The following KAZN variants were observed in gnomAD, a reference collection of about 807,000 sequenced individuals.
KAZN encodes kazrin.
Under a neutral mutation model 87.4 loss-of-function variants are expected in KAZN, and 40 were observed. The ratio of observed to expected loss-of-function variants is 0.46; its 90% CI spans 0.36 to 0.60. The LOEUF is 0.60. Among genes scored for constraint, KAZN ranks in the 20% least tolerant of loss-of-function variants. The pLI, the probability that KAZN is intolerant of heterozygous loss-of-function variation, is 0.00. For synonymous variants in KAZN, 466 were observed against 458.3 expected, an observed-to-expected ratio of 1.02 and a Z score of -0.22; for missense variants, 898 against 1,073.9, an observed-to-expected ratio of 0.84 and a Z score of 2.29.
intron 2 of KAZN, among the ~76,000 whole-genome samples, chr1:14,365,497 A>T (rs1474824259): frequency 1.3e-5 from 2 of 152,062 alleles, no homozygotes; most frequent in East Asian, 3.9e-4. Context: ...ATACACTGAG[A>T]CCCTGGGGGT....
chr1:14,029,658 GT>G (rs1401701706), intron 1 of KAZN, among the ~76,000 whole-genome samples: 9 of 151,898 alleles, frequency 5.9e-5, no homozygotes, highest in South Asian at 2.1e-4. Flanking sequence ...TGTATAAGGT[GT>G]AAGGAAGGGA....
At chr1:14,295,921 T>C (rs1236186894) in intron 2 of KAZN, among the ~76,000 whole-genome samples, 1 of 152,184 alleles carries the variant, frequency 6.6e-6, no homozygotes, top group African/African-American at 2.4e-5. Context: ...AGGAACTACA[T>C]TGGCATCACC....
intron 2 of KAZN, among the ~76,000 whole-genome samples, chr1:14,321,164 T>C (rs574757494): frequency 1.3e-5 from 2 of 152,278 alleles, no homozygotes; most frequent in African/African-American, 4.8e-5. Context: ...CTCTTTGAAG[T>C]GTATATCGTG....
At chr1:14,212,915 T>C (rs1195596352) in intron 2 of KAZN, among the ~76,000 whole-genome samples, 2 of 152,248 alleles carry the variant, frequency 1.3e-5, no homozygotes, top group East Asian at 1.9e-4. Context: ...TTAAAGAGGA[T>C]ACCAATGATT....
At chr1:14,031,946 G>A (rs540002125) in intron 1 of KAZN, among the ~76,000 whole-genome samples, 2 of 152,262 alleles carry the variant, frequency 1.3e-5, no homozygotes, top group Non-Finnish European at 2.9e-5. Context: ...GAATTGCTGG[G>A]ACAAACTGTT....
At chr1:14,167,945 G>T (rs1645868080) in intron 1 of KAZN, among the ~76,000 whole-genome samples, 1 of 152,124 alleles carries the variant, frequency 6.6e-6, no homozygotes, top group Admixed American at 6.5e-5. Flanking sequence ...TGGCCTCTCA[G>T]CTTTTCTGGA....
chr1:14,038,900 T>G (rs1237014726), intron 1 of KAZN, among the ~76,000 whole-genome samples: 1 of 152,188 alleles, frequency 6.6e-6, no homozygotes, highest in Admixed American at 6.5e-5. Context: ...GCGCAGTGGC[T>G]CATGCCTGTA....
intron 13 of KAZN, among the ~76,000 whole-genome samples, chr1:15,107,263 T>C (rs952817591): frequency 6.6e-6 from 1 of 152,162 alleles, no homozygotes; most frequent in Non-Finnish European, 1.5e-5. Context: ...GAAGACCTCA[T>C]AGGTGGATGG....
intron 2 of KAZN, among the ~76,000 whole-genome samples, chr1:15,024,950 C>T (rs1671032419): frequency 6.6e-6 from 1 of 152,146 alleles, no homozygotes; most frequent in South Asian, 2.1e-4. Flanking sequence ...TGGCCTGTCC[C>T]TCCCAGGGAG....
intron 2 of KAZN, among the ~76,000 whole-genome samples, chr1:14,344,917 CT>C (rs35120179): frequency 0.086 from 12,223 of 142,230 alleles, 531 homozygotes; most frequent in East Asian, 0.17. Flanking sequence ...ATCCCCTCTT[CT>C]TTTTTTTTTT....
At chr1:15,112,599 TC>T in intron 14 of KAZN, 58 bp downstream of exon 14, 129 of 1,245,730 alleles carry the variant, frequency 1.0e-4, no homozygotes, top group Middle Eastern at 2.0e-4. Flanking sequence ...GGTCTTTTTT[TC>T]TCCTCCCGGG....
chr1:14,174,044 G>A (rs534496901), intron 1 of KAZN, among the ~76,000 whole-genome samples: 28 of 152,292 alleles, frequency 1.8e-4, no homozygotes, highest in Middle Eastern at 6.8e-3. Context: ...ATTCCTCTTC[G>A]ATATCATTAC....
rs866506164 is a variant in KAZN, at chr1:14,465,438, G to A, written c.250-133545G>A. ...AAAAAGCTTCACCCACAAGTCTCTC[G>A]CTTGACAGGGATGGCTGGAAGTCTG... On this transcript the variant is annotated intron_variant, in intron 2 of 16. Coordinates refer to the KAZN transcript ENST00000636203. 2.1e-4 allele frequency among the ~76,000 whole-genome samples: 31 copies of A among 145,182 alleles called. No homozygotes were observed. In the Middle Eastern group the frequency reaches 0.011, roughly 51 times the overall value.
chr1:14,583,493 T>A (rs1043469382), intron 2 of KAZN, among the ~76,000 whole-genome samples: 1 of 152,188 alleles, frequency 6.6e-6, no homozygotes, highest in Non-Finnish European at 1.5e-5. Flanking sequence ...GGTAGTGTGC[T>A]TTGTCATGAT....
At chr1:14,652,717 T>TCATC (rs1187481790) in intron 1 of KAZN, among the ~76,000 whole-genome samples, 1 of 98,468 alleles carries the variant, frequency 1.0e-5, no homozygotes, top group East Asian at 3.8e-4. Flanking sequence ...ACCCATTCAT[T>TCATC]CATCCACCCA....
At chr1:15,052,112 A>G (rs1340137760) in intron 4 of KAZN, among the ~76,000 whole-genome samples, 1 of 152,174 alleles carries the variant, frequency 6.6e-6, no homozygotes, top group Non-Finnish European at 1.5e-5. Context: ...CAATTGCCAC[A>G]GGAGAGGATC....
At chr1:14,082,371 A>T (rs1643708233) in intron 1 of KAZN, among the ~76,000 whole-genome samples, 1 of 152,182 alleles carries the variant, frequency 6.6e-6, no homozygotes, top group Non-Finnish European at 1.5e-5. Context: ...TTGACAAGAT[A>T]GTCCAGGCAA....
chr1:14,416,475 G>A (rs902366678), intron 2 of KAZN, among the ~76,000 whole-genome samples: 2 of 152,196 alleles, frequency 1.3e-5, no homozygotes, highest in Admixed American at 1.3e-4. Context: ...AGTGGCTCAT[G>A]CCTATAATTC....
At chr1:14,997,121 T>C (rs1467345541) in intron 2 of KAZN, among the ~76,000 whole-genome samples, 1 of 152,174 alleles carries the variant, frequency 6.6e-6, no homozygotes, top group Non-Finnish European at 1.5e-5. Context: ...CCTCACAAGA[T>C]CTGCCCTGCA....
Sources: allele counts gnomAD v4.1 joint callset (sites outside exome capture counted in the v4.1 genomes callset), GRCh38; gene constraint gnomAD v4.1.1; transcripts MANE v1.5; gene names NCBI Gene and HGNC (gene_info 2026-07-23, HGNC 2026-07-21).